The following SPCS1 variants were observed in gnomAD, a reference collection of about 807,000 sequenced individuals.
The protein encoded by SPCS1 is signal peptidase complex subunit 1.
In SPCS1, 10 loss-of-function variants were observed where a neutral mutation model predicts 16.4. The observed-to-expected ratio is 0.61, with a 90% CI of 0.38 to 1.03. SPCS1 has a LOEUF of 1.03. Ranked by LOEUF, SPCS1 falls within the 50% of genes least tolerant of loss-of-function variation. SPCS1 has a pLI of 0.01. For missense variants in SPCS1, 118 were observed against 123.8 expected, an observed-to-expected ratio of 0.95 and a Z score of 0.22; for synonymous variants, 47 against 42.5, an observed-to-expected ratio of 1.10 and a Z score of -0.41.
In SPCS1 at chr3:52,706,203, G is replaced by A. The variant is rs758448384; in HGVS notation, c.-44G>A. ...CTTAAGTCTCGGTCGCCCTCGCCTC[G>A]CAGCCTGCCACCCGCGCTCAGCTGC... On this transcript the variant is annotated 5_prime_UTR_variant, in exon 1 of 4. Coordinates refer to ENST00000619898, the MANE Select transcript of SPCS1 (RefSeq NM_014041.5). The A allele has an allele frequency of 5.1e-6, 8 of 1,567,002 alleles. No homozygotes were observed. The South Asian group carries it at 9.2e-5, about 18-fold the overall frequency.
chr3:52,708,514 T>A lies in SPCS1; in HGVS notation c.*702T>A, dbSNP rs1050483452. The A allele has an allele frequency of 6.6e-6, 1 of 152,218 alleles. No individual in the cohort carries two copies. The highest frequency in any genetic ancestry group is 2.4e-5 in the African/African-American group (1 of 41,458). The allele number at this position is 152,218 out of a possible 1,614,324, so 9.4% of individuals were successfully genotyped here. A position where few individuals can be genotyped will look rare whatever the true frequency, so the allele number is the denominator to read the frequency against. On this transcript the variant is annotated 3_prime_UTR_variant, in exon 4 of 4. Transcript: ENST00000619898. Reference sequence around the variant, plus strand: ...AATATGGTGCCACTAGACACGTCTATTTAATTAAAATTAAAATATAAAACT... The same window carrying A: ...AATATGGTGCCACTAGACACGTCTAATTAATTAAAATTAAAATATAAAACT...
rs1319919005 is a variant in SPCS1 at position 52,709,576 on chromosome 3, C to T, written c.*1764C>T. 6.6e-6 allele frequency: 1 copy of T among 151,528 alleles called. No homozygotes were observed. The highest frequency in any genetic ancestry group is 1.5e-5 in the Non-Finnish European group (1 of 67,992). The allele number at this position is 151,528 out of a possible 1,614,324, so 9.4% of individuals were successfully genotyped here. A position where few individuals can be genotyped will look rare whatever the true frequency, so the allele number is the denominator to read the frequency against. Reference sequence around the variant, plus strand: ...ATTAGCCAGGTGTGGTGGTGCATGCCTGTGGTCCTAGCTACTTGAGGGGCT... The same window carrying T: ...ATTAGCCAGGTGTGGTGGTGCATGCTTGTGGTCCTAGCTACTTGAGGGGCT... On this transcript the variant is annotated 3_prime_UTR_variant, in exon 4 of 4. Coordinates refer to ENST00000619898, the MANE Select transcript of SPCS1 (RefSeq NM_014041.5).
In SPCS1 at chr3:52,707,673, C is replaced by T. The variant is rs779413443; in HGVS notation, c.184-14C>T. On this transcript the variant is annotated splice_polypyrimidine_tract_variant and intron_variant, in intron 3 of 3. Transcript: ENST00000619898. Reference sequence around the variant, plus strand: ...AATAGCTATAATTTATGCATTTCCTCTTTTCTGGCCCAGCTGACACTTCCT... The same window carrying T: ...AATAGCTATAATTTATGCATTTCCTTTTTTCTGGCCCAGCTGACACTTCCT... The T allele has an allele frequency of 6.2e-7, 1 of 1,608,546 alleles. No homozygotes were observed. Among genetic ancestry groups the T allele is most frequent in the African/African-American group, 1.3e-5 (1 of 74,448 alleles).
At chr3:52,707,022 A>G in intron 3 of SPCS1, 143 bp downstream of exon 3, 1 of 704,760 alleles carries the variant, frequency 1.4e-6, no homozygotes, top group Non-Finnish European at 2.6e-6. Context: ...TTGGAAAAGT[A>G]GAATGCCAAA....
intron 1 of SPCS1, 106 bp downstream of exon 1, chr3:52,706,388 G>C (rs2097344756): frequency 8.0e-7 from 1 of 1,256,348 alleles, no homozygotes. Context: ...GGCCCGGATG[G>C]TTACCGTCCA....
At chr3:52,707,193 G>A (rs1322497217) in intron 3 of SPCS1, 1 of 249,442 alleles carries the variant, frequency 4.0e-6, no homozygotes, top group Non-Finnish European at 7.7e-6. Flanking sequence ...TTTTGAGACG[G>A]AGTTTCACTC....
intron 3 of SPCS1, chr3:52,707,416 A>G (rs2097345734): frequency 6.5e-6 from 2 of 309,052 alleles, no homozygotes; most frequent in African/African-American, 2.2e-5. Context: ...TTGGCCTCCC[A>G]GAGTGCTTGG....
chr3:52,707,812 A>G lies in SPCS1; in HGVS notation c.309A>G (p.Ter103TrpextTer14). The G allele has an allele frequency of 6.2e-7, 1 of 1,613,996 alleles. No homozygotes were observed. The highest frequency in any genetic ancestry group is 8.5e-7 in the Non-Finnish European group (1 of 1,179,914). Reference sequence around the variant, plus strand: ...TTAAGAGGCATGCTAAAAATAATTGAGGTTTTCATGATTCAGCACCTGCTT... The same window carrying G: ...TTAAGAGGCATGCTAAAAATAATTGGGGTTTTCATGATTCAGCACCTGCTT... ...RKIKRHAKNN[*>W] Residue 103 changes from the stop codon to tryptophan, a stop_lost, in exon 4 of 4, where the codon TGA (stop) becomes TGG (tryptophan). Coordinates refer to ENST00000619898, the MANE Select transcript of SPCS1 (RefSeq NM_014041.5).
At chr3:52,707,150 C>T in intron 3 of SPCS1, 1 of 358,410 alleles carries the variant, frequency 2.8e-6, no homozygotes, top group Non-Finnish European at 5.0e-6. Flanking sequence ...TCACGTTGTC[C>T]CTTCACCTTT....
chr3:52,708,020 G>C lies in SPCS1; in HGVS notation c.*208G>C. ...CTTCATAATCTTGCTCTGAGATGGG[G>C]AACAGAACACACAAGTATGAAGTTT... On this transcript the variant is annotated 3_prime_UTR_variant, in exon 4 of 4. Transcript: ENST00000619898. 2.1e-6 allele frequency: 1 copy of C among 474,440 alleles called. No homozygotes were observed. Among genetic ancestry groups the C allele is most frequent in the Non-Finnish European group, 3.7e-6 (1 of 266,944 alleles). 29.4% of individuals were successfully genotyped at this position (474,440 alleles called of 1,614,324 possible).
At chr3:52,706,920 G>A in intron 3 of SPCS1, 41 bp downstream of exon 3, 2 of 1,495,632 alleles carry the variant, frequency 1.3e-6, no homozygotes, top group Non-Finnish European at 1.9e-6. Context: ...TGGGTTTTGT[G>A]AGTCGGGTTG....
Position 52,706,413 on chromosome 3 carries a change from T to C in SPCS1, c.36+131T>C, listed in dbSNP as rs559819685. 4.7e-4 allele frequency: 487 copies of C among 1,028,192 alleles called. 5 individuals are homozygous for C. The highest frequency in any genetic ancestry group is 4.5e-3 in the South Asian group (285 of 63,464). 63.7% of individuals were successfully genotyped at this position (1,028,192 alleles called of 1,614,324 possible). A position where few individuals can be genotyped will look rare whatever the true frequency, so the allele number is the denominator to read the frequency against. On this transcript the variant is annotated intron_variant, in intron 1 of 3. Transcript: ENST00000619898. ...GTTACCGTCCACCCTCTTTCCCGAA[T>C]TGCCTCCTGGGTCCCCTTCTCTTCT...
At position 52,708,841 on chromosome 3, in the gene SPCS1, G is replaced by A. The variant is rs971859913; in HGVS notation, c.*1029G>A. On this transcript the variant is annotated 3_prime_UTR_variant, in exon 4 of 4. Coordinates refer to ENST00000619898, the MANE Select transcript of SPCS1 (RefSeq NM_014041.5). The stretch of plus-strand genomic sequence containing the variant: ...AAGGACATAAAACTTCCTTAGCTTT[G>A]TAAGTCTGTGGAAATCAAAACTTCT... The A allele has an allele frequency of 1.3e-5, 2 of 152,088 alleles. No homozygotes were observed. The highest frequency in any genetic ancestry group is 2.4e-5 in the African/African-American group (1 of 41,394). 9.4% of individuals were successfully genotyped at this position (152,088 alleles called of 1,614,324 possible). A position where few individuals can be genotyped will look rare whatever the true frequency, so the allele number is the denominator to read the frequency against.
At chr3:52,707,635 TTTTTAAAC>T in intron 3 of SPCS1, 44 bp from the exon 4 acceptor site, 1 of 1,582,736 alleles carries the variant, frequency 6.3e-7, no homozygotes, top group South Asian at 1.1e-5. Context: ...ACGTAATGAT[TTTTTAAAC>T]TTTTAATAGC....
Position 52,708,723 on chromosome 3 carries a change from A to G in SPCS1, c.*911A>G, listed in dbSNP as rs2097347297. Reference sequence around the variant, plus strand: ...TGAATGCCTATAAGGCCATTTGAATAACGGATCATGTACAAAGCAACAGGA... The same window carrying G: ...TGAATGCCTATAAGGCCATTTGAATGACGGATCATGTACAAAGCAACAGGA... On this transcript the variant is annotated 3_prime_UTR_variant, in exon 4 of 4. Transcript: ENST00000619898. The G allele has an allele frequency of 6.6e-6, 1 of 152,184 alleles. No homozygotes were observed. Among genetic ancestry groups the G allele is most frequent in the Non-Finnish European group, 1.5e-5 (1 of 68,026 alleles). The allele number at this position is 152,184 out of a possible 1,614,324, so 9.4% of individuals were successfully genotyped here. A position where few individuals can be genotyped will look rare whatever the true frequency, so the allele number is the denominator to read the frequency against.
Position 52,706,136 on chromosome 3 carries a change from C to A in SPCS1, c.-111C>A. 1.3e-6 allele frequency: 2 copies of A among 1,540,936 alleles called. No homozygotes were observed. Among genetic ancestry groups the A allele is most frequent in the Non-Finnish European group, 8.7e-7 (1 of 1,147,078 alleles). On this transcript the variant is annotated 5_prime_UTR_variant, in exon 1 of 4. Transcript: ENST00000619898. Reference sequence around the variant, plus strand: ...CATCGCTCTCCCGGGCTTAGAAGGCCCGGCTACTGACGCGCAGTGCCAGAC... The same window carrying A: ...CATCGCTCTCCCGGGCTTAGAAGGCACGGCTACTGACGCGCAGTGCCAGAC...
rs944454385 is a variant in SPCS1, at chr3:52,710,164, C to T, written c.*2352C>T. The T allele has an allele frequency of 4.6e-5, 7 of 151,808 alleles. No individual in the cohort carries two copies. The highest frequency in any genetic ancestry group is 7.0e-3 in the Middle Eastern group (2 of 286). The allele number at this position is 151,808 out of a possible 1,614,324, so 9.4% of individuals were successfully genotyped here. The stretch of plus-strand genomic sequence containing the variant: ...GATCACGAGGTCAGGAGATTGAGAC[C>T]ATCCTGGCTAACACGGTGAAACCCT... On this transcript the variant is annotated 3_prime_UTR_variant, in exon 4 of 4. Coordinates refer to ENST00000619898, the MANE Select transcript of SPCS1 (RefSeq NM_014041.5).
chr3:52,707,427 ATTACAGGC>A, intron 3 of SPCS1: 1 of 336,346 alleles, frequency 3.0e-6, no homozygotes, highest in Non-Finnish European at 5.5e-6. Context: ...GAGTGCTTGG[ATTACAGGC>A]GAGAGCCACC....
At chr3:52,706,401 C>T in intron 1 of SPCS1, 119 bp downstream of exon 1, 1 of 1,147,364 alleles carries the variant, frequency 8.7e-7, no homozygotes, top group Non-Finnish European at 1.2e-6. Context: ...ACCGTCCACC[C>T]TCTTTCCCGA....
Sources: allele counts gnomAD v4.1 joint callset, GRCh38; gene constraint gnomAD v4.1.1; transcripts MANE v1.5; gene names NCBI Gene and HGNC (gene_info 2026-07-23, HGNC 2026-07-21).